Variants in SMC1A observed in about 807,000 individuals in gnomAD.
SMC1A encodes the protein structural maintenance of chromosomes protein 1A.
SMC1A carries 4 observed loss-of-function variants against 94.5 expected under a neutral mutation model. The ratio of observed to expected loss-of-function variants is 0.04; its 90% CI spans 0.02 to 0.10. The LOEUF (loss-of-function observed/expected upper bound fraction) is 0.10, where lower values mean the gene tolerates loss of function less well. SMC1A is among the 10% of genes least tolerant of loss of function. The pLI is 1.00. For synonymous variants in SMC1A, 345 were observed against 347.7 expected (o/e 0.99, Z 0.09); for missense variants, 304 against 989.0 (o/e 0.31, Z 9.29).
intron 19 of SMC1A, among the ~76,000 whole-genome samples, chrX:53,387,437 C>T (rs782496710): frequency 2.3e-4 from 26 of 112,203 alleles, no homozygotes; most frequent in African/African-American, 7.7e-4. Flanking sequence ...AAATCAATGA[C>T]GTTAAACTAA....
chrX:53,385,254 AG>A (rs1367068215), intron 19 of SMC1A, among the ~76,000 whole-genome samples: 2 of 81,371 alleles, frequency 2.5e-5, no homozygotes, highest in African/African-American at 3.6e-5. Flanking sequence ...TCTCCAGAAT[AG>A]GTTTTTTTTT....
chrX:53,400,047 G>A (rs1359504473), intron 15 of SMC1A, among the ~76,000 whole-genome samples: 1 of 111,782 alleles, frequency 8.9e-6, no homozygotes, highest in Non-Finnish European at 1.9e-5. Flanking sequence ...GCATAAAAGA[G>A]TCCATCTGAT....
chrX:53,398,844 A>G (rs2075661022), intron 16 of SMC1A, among the ~76,000 whole-genome samples: 1 of 111,727 alleles, frequency 9.0e-6, no homozygotes, highest in South Asian at 3.7e-4. Flanking sequence ...GTTTGCATAA[A>G]GCTTTGCCAG....
intron 19 of SMC1A, among the ~76,000 whole-genome samples, chrX:53,390,572 T>C (rs1556887080): frequency 2.7e-5 from 3 of 110,668 alleles, no homozygotes. Context: ...GATGGCTATA[T>C]GAGGGAGCAC....
chrX:53,411,234 T>C (rs2075711656), intron 7 of SMC1A, among the ~76,000 whole-genome samples: 1 of 111,142 alleles, frequency 9.0e-6, no homozygotes, highest in South Asian at 3.8e-4. Flanking sequence ...GTAAAGAACA[T>C]TGCCTATCAT....
At chrX:53,417,578 C>T (rs1421008672) in intron 1 of SMC1A, among the ~76,000 whole-genome samples, 1 of 105,346 alleles carries the variant, frequency 9.5e-6, no homozygotes, top group Non-Finnish European at 1.9e-5. Flanking sequence ...AAAAAGTGAG[C>T]GAACCATTCC....
chrX:53,412,827 G>A lies in SMC1A; in HGVS notation c.854+73C>T, dbSNP rs933820240. 48 of 1,203,889 alleles carry A rather than the reference G, an allele frequency of 4.0e-5. No individual in the cohort carries two copies. The Admixed American group carries it at 1.0e-3, about 25-fold the overall frequency. ...AATGAGTATAGGTACTGAACTCCGGGCTCAGAGGAACCCTAATAAACAGCA... is the reference window on the plus strand; with the variant it reads ...AATGAGTATAGGTACTGAACTCCGGACTCAGAGGAACCCTAATAAACAGCA... On this transcript the variant is annotated intron_variant, in intron 5 of 24. Transcript: ENST00000322213.
chrX:53,406,371 T>G (rs1047984545), intron 9 of SMC1A, among the ~76,000 whole-genome samples: 4 of 111,575 alleles, frequency 3.6e-5, no homozygotes, highest in Non-Finnish European at 7.5e-5. Flanking sequence ...AACGTCCCTT[T>G]GAAAGGTGGA....
chrX:53,413,190 C>T (rs371746746), intron 4 of SMC1A, 42 bp downstream of exon 4: 403 of 1,209,953 alleles, frequency 3.3e-4, no homozygotes, highest in Non-Finnish European at 4.4e-4. Flanking sequence ...GCACTGGCTC[C>T]ATCCTGGTCC....
chrX:53,397,618 T>C (rs2075656292), intron 16 of SMC1A, among the ~76,000 whole-genome samples: 1 of 110,675 alleles, frequency 9.0e-6, no homozygotes, highest in Non-Finnish European at 1.9e-5. Flanking sequence ...GGGACATATC[T>C]GCAACTTACT....
chrX:53,403,460 T>C (rs1373211061), intron 15 of SMC1A, 106 bp downstream of exon 15: 2 of 618,400 alleles, frequency 3.2e-6, no homozygotes, highest in Non-Finnish European at 5.4e-6. Flanking sequence ...TAAACTCACA[T>C]AGTTCTAAGA....
intron 19 of SMC1A, among the ~76,000 whole-genome samples, chrX:53,388,059 G>C (rs187346626): frequency 5.4e-5 from 6 of 111,554 alleles, no homozygotes; most frequent in African/African-American, 2.0e-4. Context: ...AGAAATGATA[G>C]AGTAAGGTCA....
intron 16 of SMC1A, among the ~76,000 whole-genome samples, chrX:53,398,454 A>G (rs2075659938): frequency 9.0e-6 from 1 of 111,665 alleles, no homozygotes; most frequent in Admixed American, 9.6e-5. Context: ...ACTGAGCTGT[A>G]GCAGTCAGTA....
At chrX:53,382,983 G>A in intron 20 of SMC1A, 114 bp downstream of exon 20, 7 of 799,896 alleles carry the variant, frequency 8.8e-6, no homozygotes, top group Non-Finnish European at 1.3e-5. Flanking sequence ...GCTCCTGAGA[G>A]TTTTAAGTAA....
chrX:53,411,130 A>T (rs1556890474), intron 7 of SMC1A, among the ~76,000 whole-genome samples: 1 of 109,110 alleles, frequency 9.2e-6, no homozygotes, highest in Non-Finnish European at 1.9e-5. Flanking sequence ...TAGGCAAATT[A>T]CTCTGTGTTG....
chrX:53,385,419 C>T (rs782675675), intron 19 of SMC1A, among the ~76,000 whole-genome samples: 8 of 107,935 alleles, frequency 7.4e-5, no homozygotes, highest in African/African-American at 2.7e-4. Flanking sequence ...TACAGGAACC[C>T]GCCACCATGC....
At chrX:53,396,763 A>G in intron 16 of SMC1A, 146 bp from the exon 17 acceptor site, 2 of 618,264 alleles carry the variant, frequency 3.2e-6, no homozygotes, top group Non-Finnish European at 2.5e-6. Context: ...ATCACCCCTC[A>G]GCCTCCTATC....
At chrX:53,404,521 T>C (rs1204628521) in intron 13 of SMC1A, among the ~76,000 whole-genome samples, 1 of 110,630 alleles carries the variant, frequency 9.0e-6, no homozygotes, top group Non-Finnish European at 1.9e-5. Flanking sequence ...TGAGACAGAG[T>C]CTCGCTCTGT....
chrX:53,391,951 G>A lies in SMC1A; in HGVS notation c.2973+2827C>T, dbSNP rs782523061. Among the ~76,000 whole-genome samples the A allele has an allele frequency of 3.6e-5, 4 of 110,331 alleles. No individual in the cohort carries two copies. The South Asian group carries it at 1.2e-3, about 32-fold the overall frequency. On this transcript the variant is annotated intron_variant, in intron 19 of 24. Transcript: ENST00000322213. ...GTAGTAACCCCCCTACCCCAGTTAC[G>A]ACAAGTAGGCGTGACAAGAGTATCT...
Sources: allele counts gnomAD v4.1 joint callset (sites outside exome capture counted in the v4.1 genomes callset), GRCh38; gene constraint gnomAD v4.1.1; transcripts MANE v1.5; gene names NCBI Gene and HGNC (gene_info 2026-07-23, HGNC 2026-07-21).